Variants in SGCZ observed in about 807,000 individuals in gnomAD.
SGCZ encodes sarcoglycan zeta.
A neutral mutation model predicts 41.3 loss-of-function variants in SGCZ; 40 were observed. The ratio of observed to expected loss-of-function variants is 0.97; its 90% CI spans 0.75 to 1.26. The LOEUF is 1.26. SGCZ is among the 50% of genes most tolerant of loss of function. The probability of loss-of-function intolerance (pLI) is 0.00; values close to 1 mark genes in which losing one functional copy is unlikely to be tolerated. For missense variants in SGCZ, 552 were observed against 369.8 expected, an observed-to-expected ratio of 1.49 and a Z score of -4.04; for synonymous variants, 206 against 137.5, an observed-to-expected ratio of 1.50 and a Z score of -3.49.
chr8:14,274,997 A>C (rs991468623), intron 3 of SGCZ, among the ~76,000 whole-genome samples: 1 of 152,142 alleles, frequency 6.6e-6, no homozygotes, highest in Middle Eastern at 3.2e-3. Flanking sequence ...ATACCCAAGA[A>C]ATATTATTCA....
chr8:14,800,587 A>G (rs1397864070), intron 1 of SGCZ, among the ~76,000 whole-genome samples: 1 of 152,094 alleles, frequency 6.6e-6, no homozygotes, highest in African/African-American at 2.4e-5. Context: ...TGTTTTCCTG[A>G]TAGAGTTCCC....
At chr8:14,188,385 A>T (rs1376042620) in intron 4 of SGCZ, among the ~76,000 whole-genome samples, 1 of 152,214 alleles carries the variant, frequency 6.6e-6, no homozygotes, top group East Asian at 1.9e-4. Flanking sequence ...TGGAGCAGTG[A>T]TACGTACTGC....
intron 1 of SGCZ, among the ~76,000 whole-genome samples, chr8:14,950,459 C>T (rs1372694061): frequency 6.6e-6 from 1 of 151,270 alleles, no homozygotes; most frequent in African/African-American, 2.4e-5. Flanking sequence ...CTTCTCTTTC[C>T]TTTTATCAGA....
chr8:14,917,892 C>A (rs995110257), intron 1 of SGCZ, among the ~76,000 whole-genome samples: 6 of 152,066 alleles, frequency 3.9e-5, no homozygotes, highest in African/African-American at 1.2e-4. Flanking sequence ...TGACTTTTAA[C>A]CTTTCAGACT....
In SGCZ at chr8:14,085,573, C is replaced by T. The variant is rs892317582; in HGVS notation, c.*4870G>A. ...CTCAGTTAACAATTAAAAAATAGCCCTCTGGTTCTACAAGTATTTCAAATT... is the reference window on the plus strand; with the variant it reads ...CTCAGTTAACAATTAAAAAATAGCCTTCTGGTTCTACAAGTATTTCAAATT... On this transcript the variant is annotated 3_prime_UTR_variant, in exon 8 of 8. Transcript: ENST00000382080. Among the ~76,000 whole-genome samples, 12 of 151,724 alleles carry T rather than the reference C, an allele frequency of 7.9e-5. No individual in the cohort carries two copies. The highest frequency in any genetic ancestry group is 4.1e-4 in the South Asian group (2 of 4,824).
At chr8:15,071,581 C>A (rs1805351637) in intron 1 of SGCZ, among the ~76,000 whole-genome samples, 1 of 152,176 alleles carries the variant, frequency 6.6e-6, no homozygotes, top group Admixed American at 6.5e-5. Flanking sequence ...GACTATGCAA[C>A]CATTCTCATC....
chr8:15,159,297 A>G (rs1261948710), intron 1 of SGCZ, among the ~76,000 whole-genome samples: 1 of 152,060 alleles, frequency 6.6e-6, no homozygotes, highest in Non-Finnish European at 1.5e-5. Context: ...GTGACTCTTC[A>G]CATGTATCCT....
intron 5 of SGCZ, among the ~76,000 whole-genome samples, chr8:14,140,068 A>C (rs537619836): frequency 1.8e-4 from 27 of 152,292 alleles, no homozygotes; most frequent in African/African-American, 6.5e-4. Context: ...CCAAAGATCA[A>C]AACCACATGA....
intron 1 of SGCZ, among the ~76,000 whole-genome samples, chr8:15,148,315 A>T (rs1231903165): frequency 2.0e-5 from 3 of 152,184 alleles, no homozygotes; most frequent in African/African-American, 4.8e-5. Flanking sequence ...GCTATCGGAC[A>T]TCAGGTTCAG....
At chr8:14,945,880 C>T (rs1585401828) in intron 1 of SGCZ, among the ~76,000 whole-genome samples, 1 of 150,194 alleles carries the variant, frequency 6.7e-6, no homozygotes, top group Non-Finnish European at 1.5e-5. Flanking sequence ...CATCAGCTTC[C>T]CTGGTTCTGA....
At chr8:14,572,153 T>C (rs1350411652) in intron 1 of SGCZ, among the ~76,000 whole-genome samples, 2 of 152,210 alleles carry the variant, frequency 1.3e-5, no homozygotes, top group African/African-American at 2.4e-5. Context: ...TCTGCTAATA[T>C]CTACAGCATT....
chr8:14,508,805 G>T (rs954920008), intron 2 of SGCZ, among the ~76,000 whole-genome samples: 1 of 152,062 alleles, frequency 6.6e-6, no homozygotes, highest in Non-Finnish European at 1.5e-5. Context: ...TTCTTCAATT[G>T]CTCTGATTTA....
At chr8:14,157,665 T>G (rs1803918603) in intron 5 of SGCZ, among the ~76,000 whole-genome samples, 1 of 152,056 alleles carries the variant, frequency 6.6e-6, no homozygotes, top group Non-Finnish European at 1.5e-5. Context: ...AATTGTATAT[T>G]CACTATAAGA....
intron 1 of SGCZ, among the ~76,000 whole-genome samples, chr8:15,070,196 C>G (rs1466974003): frequency 6.6e-6 from 1 of 152,122 alleles, no homozygotes; most frequent in Non-Finnish European, 1.5e-5. Context: ...CTCCTCTGAT[C>G]ATCATAATTA....
chr8:15,057,133 T>C (rs1334769980), intron 1 of SGCZ, among the ~76,000 whole-genome samples: 1 of 152,210 alleles, frequency 6.6e-6, no homozygotes, highest in African/African-American at 2.4e-5. Context: ...AGCACTAGGC[T>C]GGAGCACAGC....
chr8:15,192,274 A>T (rs1800567089), intron 1 of SGCZ, among the ~76,000 whole-genome samples: 2 of 152,182 alleles, frequency 1.3e-5, no homozygotes, highest in Admixed American at 1.3e-4. Context: ...TGATGTAAAC[A>T]CAGCTTTAGC....
Position 14,221,965 on chromosome 8 carries a change from GA to G in SGCZ, c.424+15626del, listed in dbSNP as rs567576583. On this transcript the variant is annotated intron_variant, in intron 4 of 7. Transcript: ENST00000382080. Reference sequence around the variant, plus strand: ...GACACAGTGAGACTCTGTCTCAAAAGAAAAAAAAAAAGTGGAAGTGGGGTCT... The same window carrying G: ...GACACAGTGAGACTCTGTCTCAAAAGAAAAAAAAAAGTGGAAGTGGGGTCT... 1.6e-3 allele frequency among the ~76,000 whole-genome samples: 222 copies of G among 135,436 alleles called. 1 individual carries two copies. The highest frequency in any genetic ancestry group is 4.7e-3 in the African/African-American group (174 of 37,050). 88.9% of individuals were successfully genotyped at this position (135,436 alleles called of 152,430 possible). A position where few individuals can be genotyped will look rare whatever the true frequency, so the allele number is the denominator to read the frequency against.
intron 1 of SGCZ, among the ~76,000 whole-genome samples, chr8:14,748,776 C>A (rs527559537): frequency 8.6e-4 from 130 of 151,936 alleles, no homozygotes; most frequent in Non-Finnish European, 1.7e-3. Context: ...TTATAGTATC[C>A]ATTTTACTGA....
At chr8:15,174,500 T>C (rs770124836) in intron 1 of SGCZ, among the ~76,000 whole-genome samples, 4 of 152,102 alleles carry the variant, frequency 2.6e-5, no homozygotes, top group Non-Finnish European at 5.9e-5. Context: ...TTGACGAAAA[T>C]ACAAAAGTAT....
Sources: allele counts gnomAD v4.1 joint callset (sites outside exome capture counted in the v4.1 genomes callset), GRCh38; gene constraint gnomAD v4.1.1; transcripts MANE v1.5; gene names NCBI Gene and HGNC (gene_info 2026-07-23, HGNC 2026-07-21).